WRN: variants seen among roughly 807,000 people sequenced by gnomAD.
WRN encodes the protein WRN RecQ like helicase.
In WRN, 149 loss-of-function variants were observed where a neutral mutation model predicts 180.7. That is an observed-to-expected ratio of 0.82 (90% CI 0.72 to 0.94). WRN has a LOEUF of 0.94. WRN is among the 40% of genes least tolerant of loss of function. WRN has a pLI of 0.00. For synonymous variants in WRN, 548 were observed against 568.9 expected, an observed-to-expected ratio of 0.96 and a Z score of 0.52; for missense variants, 1,661 against 1,700.1, an observed-to-expected ratio of 0.98 and a Z score of 0.40.
intron 21 of WRN, 115 bp from the exon 22 acceptor site, chr8:31,124,407 A>T (rs1801838174): frequency 9.1e-6 from 7 of 766,406 alleles, no homozygotes; most frequent in South Asian, 7.1e-5. Flanking sequence ...TTTTATCTTG[A>T]TGGGGTGTGG....
intron 33 of WRN, among the ~76,000 whole-genome samples, chr8:31,161,344 TG>T (rs1012709508): frequency 3.3e-4 from 50 of 152,262 alleles, no homozygotes; most frequent in African/African-American, 1.2e-3. Flanking sequence ...TTTCATTTTG[TG>T]GGAACCTCAC....
chr8:31,066,445 C>T (rs1812708767), intron 5 of WRN, among the ~76,000 whole-genome samples: 1 of 152,190 alleles, frequency 6.6e-6, no homozygotes, highest in Non-Finnish European at 1.5e-5. Flanking sequence ...CTCGGTCTCC[C>T]AAAGTGCTGG....
chr8:31,165,356 C>T (rs748647644), intron 33 of WRN, among the ~76,000 whole-genome samples: 48 of 151,896 alleles, frequency 3.2e-4, no homozygotes, highest in Non-Finnish European at 5.3e-4. Context: ...TACTTGGTTT[C>T]GAGTGTGGGA....
At chr8:31,118,528 G>A (rs1419828232) in intron 20 of WRN, among the ~76,000 whole-genome samples, 3 of 151,770 alleles carry the variant, frequency 2.0e-5, no homozygotes, top group African/African-American at 7.3e-5. Flanking sequence ...ACTTGCTACC[G>A]AGAATTGAAT....
At chr8:31,045,487 C>T (rs535432639) in intron 1 of WRN, among the ~76,000 whole-genome samples, 51 of 151,742 alleles carry the variant, frequency 3.4e-4, no homozygotes, top group African/African-American at 1.1e-3. Flanking sequence ...ACTGCAACCT[C>T]CGCCTCCCAG....
Position 31,059,155 on chromosome 8 carries a change from A to G in WRN, c.99A>G (p.Ala33=), listed in dbSNP as rs753114305. The part of the protein sequence containing the change: ...NKRCAVEERK[A]CVRKSVFEDD... ...TTTTGAAATTTACTAAACTCAAGGC[A>G]TGTGTTCGGAAGAGTGTTTTTGAAG... is the stretch of plus-strand genomic sequence containing the variant. Residue 33 remains alanine, a splice_region_variant and synonymous_variant, in exon 3 of 35, where the codon GCA becomes GCG. Transcript: ENST00000298139. 6.2e-7 allele frequency: 1 copy of G among 1,612,690 alleles called. No homozygotes were observed. The highest frequency in any genetic ancestry group is 8.5e-7 in the Non-Finnish European group (1 of 1,178,788).
At chr8:31,113,768 T>C (rs923891879) in intron 19 of WRN, among the ~76,000 whole-genome samples, 3 of 152,222 alleles carry the variant, frequency 2.0e-5, no homozygotes, top group Non-Finnish European at 4.4e-5. Context: ...TCATGTTGAC[T>C]CTGCTAATTG....
chr8:31,044,051 T>G (rs1208939463), intron 1 of WRN, among the ~76,000 whole-genome samples: 3 of 147,674 alleles, frequency 2.0e-5, no homozygotes, highest in Admixed American at 2.0e-4. Flanking sequence ...TTTTTTCTTG[T>G]TTTTTTTTTA....
intron 18 of WRN, among the ~76,000 whole-genome samples, chr8:31,102,740 A>T (rs1490175883): frequency 1.3e-5 from 2 of 152,208 alleles, no homozygotes; most frequent in Non-Finnish European, 2.9e-5. Flanking sequence ...GTAAAGGCCT[A>T]GGACATTACT....
chr8:31,132,860 G>A (rs757657099), intron 24 of WRN, among the ~76,000 whole-genome samples: 9 of 152,104 alleles, frequency 5.9e-5, no homozygotes, highest in African/African-American at 2.2e-4. Flanking sequence ...GAACAAAATT[G>A]TCCTTTTGTC....
intron 1 of WRN, among the ~76,000 whole-genome samples, chr8:31,044,508 C>T (rs1585387048): frequency 1.3e-5 from 2 of 152,104 alleles, no homozygotes; most frequent in African/African-American, 2.4e-5. Context: ...AGGCGCCCGC[C>T]ACCATGCTCT....
intron 7 of WRN, among the ~76,000 whole-genome samples, chr8:31,069,570 GTAT>G (rs1812831542): frequency 6.6e-6 from 1 of 152,298 alleles, no homozygotes; most frequent in Admixed American, 6.5e-5. Context: ...ATTTTATAAG[GTAT>G]TATAAGAAAT....
chr8:31,142,162 G>A (rs1314770661), intron 26 of WRN, among the ~76,000 whole-genome samples: 1 of 151,964 alleles, frequency 6.6e-6, no homozygotes, highest in Admixed American at 6.6e-5. Flanking sequence ...TCCTAGGCTG[G>A]TCTTGAACTC....
chr8:31,113,620 C>G (rs1443064168), intron 19 of WRN, among the ~76,000 whole-genome samples: 1 of 152,124 alleles, frequency 6.6e-6, no homozygotes, highest in African/African-American at 2.4e-5. Flanking sequence ...CTTATAATAA[C>G]ACTCTCTATG....
At chr8:31,046,863 G>A (rs1426856613) in intron 1 of WRN, among the ~76,000 whole-genome samples, 5 of 152,126 alleles carry the variant, frequency 3.3e-5, no homozygotes, top group African/African-American at 1.2e-4. Flanking sequence ...TTAGACTGGA[G>A]GATAACTTTT....
rs760652160 is a variant in WRN at position 31,080,844 on chromosome 8, ATCTT to A, written c.840-18_840-15del. The A allele has an allele frequency of 1.9e-6, 3 of 1,568,488 alleles. No individual in the cohort carries two copies. The highest frequency in any genetic ancestry group is 1.8e-5 in the Admixed American group (1 of 54,960). Reference sequence around the variant, plus strand: ...AGTTAATGCAATTGAAGTTGAATTAATCTTTCTTAATTTTTTTTTTAGGGTTTCT... The same window carrying A: ...AGTTAATGCAATTGAAGTTGAATTAATCTTAATTTTTTTTTTAGGGTTTCT... On this transcript the variant is annotated intron_variant, in intron 8 of 34. Transcript: ENST00000298139.
chr8:31,173,442 T>C lies in WRN; in HGVS notation c.*340T>C, dbSNP rs1260673334. 2 of 258,174 alleles carry C rather than the reference T, an allele frequency of 7.7e-6. No homozygotes were observed. Among genetic ancestry groups the C allele is most frequent in the Non-Finnish European group, 1.5e-5 (2 of 132,984 alleles). 16.0% of individuals were successfully genotyped at this position (258,174 alleles called of 1,614,324 possible). The stretch of plus-strand genomic sequence containing the variant: ...CTCTGATTTGATATAGATAACAGAT[T>C]AGTAGTTACATGGTAATTATGTGAT... On this transcript the variant is annotated 3_prime_UTR_variant, in exon 35 of 35. Transcript: ENST00000298139.
chr8:31,141,913 TG>T, intron 26 of WRN, 138 bp downstream of exon 26: 2 of 835,550 alleles, frequency 2.4e-6, no homozygotes, highest in East Asian at 2.7e-5. Flanking sequence ...TTAGTCAGTT[TG>T]GGGGAAGGGA....
At chr8:31,171,529 G>A (rs1327190405) in intron 34 of WRN, 1 of 152,116 alleles carries the variant, frequency 6.6e-6, no homozygotes, top group Non-Finnish European at 1.5e-5. Flanking sequence ...ATCTTACAGT[G>A]TATATAAGTC....
Sources: gnomAD v4.1 joint callset for allele counts (sites outside exome capture counted in the v4.1 genomes callset) on GRCh38, gnomAD v4.1.1 for gene constraint, MANE v1.5 for transcripts, NCBI Gene and HGNC (gene_info 2026-07-23, HGNC 2026-07-21) for gene names.